The following MPP7 variants were observed in gnomAD, a reference collection of about 807,000 sequenced individuals.
MPP7 encodes MAGUK p55 subfamily member 7.
Under a neutral mutation model 76.5 loss-of-function variants are expected in MPP7, and 60 were observed. That is an observed-to-expected ratio of 0.78 (90% confidence interval 0.64 to 0.97). The LOEUF is 0.97. Ranked by LOEUF, MPP7 falls within the 50% of genes least tolerant of loss-of-function variation. The probability of loss-of-function intolerance (pLI) is 0.00; values close to 1 mark genes in which losing one functional copy is unlikely to be tolerated. For synonymous variants in MPP7, 237 were observed against 244.5 expected, an observed-to-expected ratio of 0.97 and a Z score of 0.29; for missense variants, 641 against 694.0, an observed-to-expected ratio of 0.92 and a Z score of 0.86.
At position 28,051,885 on chromosome 10, in the gene MPP7, C is replaced by CAA. The variant is rs11292957; in HGVS notation, c.*2178_*2179dup. On this transcript the variant is annotated 3_prime_UTR_variant, in exon 17 of 17. Coordinates refer to ENST00000683449, the MANE Select transcript of MPP7 (RefSeq NM_001318170.2). ...TGAGCAACATGGCAAGACCCTGTCT[C>CAA]AAAAAAAAAAAAAAAAGTATACTAC... 4 of 119,058 alleles carry CAA rather than the reference C, an allele frequency of 3.4e-5. No individual in the cohort carries two copies. The highest frequency in any genetic ancestry group is 9.0e-5 in the Admixed American group (1 of 11,136). The allele number at this position is 119,058 out of a possible 1,614,324, so 7.4% of individuals were successfully genotyped here. A position where few individuals can be genotyped will look rare whatever the true frequency, so the allele number is the denominator to read the frequency against.
chr10:28,312,076 A>G (rs1023721967), intron 2 of MPP7, among the ~76,000 whole-genome samples: 3 of 152,178 alleles, frequency 2.0e-5, no homozygotes, highest in South Asian at 2.1e-4. Context: ...GCACGGACAC[A>G]AAGAGTGAGC....
chr10:28,057,001 T>G (rs1021305361), intron 15 of MPP7, among the ~76,000 whole-genome samples: 4 of 152,316 alleles, frequency 2.6e-5, no homozygotes, highest in African/African-American at 9.6e-5. Flanking sequence ...GTTCTCCTCT[T>G]TCACCCTATC....
At chr10:28,248,571 G>A (rs1839512473) in intron 1 of MPP7, among the ~76,000 whole-genome samples, 1 of 152,068 alleles carries the variant, frequency 6.6e-6, no homozygotes, top group Non-Finnish European at 1.5e-5. Context: ...CCAACTTCAT[G>A]AGCTATGCGT....
intron 3 of MPP7, among the ~76,000 whole-genome samples, chr10:28,165,619 T>C (rs1588874085): frequency 6.6e-6 from 1 of 151,914 alleles, no homozygotes; most frequent in East Asian, 1.9e-4. Context: ...AAGGCAGCCA[T>C]GATAAGTTCA....
At chr10:28,226,619 G>A (rs564999334) in intron 2 of MPP7, among the ~76,000 whole-genome samples, 24 of 152,144 alleles carry the variant, frequency 1.6e-4, no homozygotes, top group Admixed American at 1.4e-3. Context: ...AGATAGTGGT[G>A]ATGATCATAA....
chr10:28,168,254 A>G (rs1364958203), intron 3 of MPP7, among the ~76,000 whole-genome samples: 2 of 151,996 alleles, frequency 1.3e-5, no homozygotes, highest in African/African-American at 2.4e-5. Context: ...TATATTTTCT[A>G]TATCTACTGG....
In MPP7 at chr10:28,147,508, T is replaced by C. The variant is rs1371295411; in HGVS notation, c.290A>G (p.Lys97Arg). 6.2e-7 allele frequency: 1 copy of C among 1,613,978 alleles called. No homozygotes were observed. Among genetic ancestry groups the C allele is most frequent in the African/African-American group, 1.3e-5 (1 of 74,932 alleles). ...PLNSEIRELL[K>R]LLSKPNVKAL... ...CTTCACATTGGGTTTTGACAGTAGT[T>C]TCAACAGCTCTCTGATCTCACTGTT... Residue 97 changes from lysine (K) to arginine (R), a missense_variant, in exon 5 of 17, where the codon AAA becomes AGA. Coordinates refer to ENST00000683449, the MANE Select transcript of MPP7 (RefSeq NM_001318170.2).
intron 1 of MPP7, among the ~76,000 whole-genome samples, chr10:28,283,476 T>G (rs977383115): frequency 3.3e-5 from 5 of 152,062 alleles, no homozygotes; most frequent in Non-Finnish European, 7.3e-5. Flanking sequence ...GCTCTTAATC[T>G]GTAAACACCA....
At chr10:28,133,911 T>C (rs907050017) in intron 5 of MPP7, among the ~76,000 whole-genome samples, 2 of 152,206 alleles carry the variant, frequency 1.3e-5, no homozygotes, top group African/African-American at 2.4e-5. Flanking sequence ...CATTGCTATA[T>C]AGTTTTACAA....
chr10:28,210,497 A>G (rs928734270), intron 2 of MPP7, among the ~76,000 whole-genome samples: 6 of 152,200 alleles, frequency 3.9e-5, no homozygotes, highest in African/African-American at 1.4e-4. Context: ...TGAAACTTAT[A>G]AGAGAAGGTC....
chr10:28,293,043 T>TA (rs56883523), intron 1 of MPP7, among the ~76,000 whole-genome samples: 4,409 of 122,330 alleles, frequency 0.036, 228 homozygotes, highest in African/African-American at 0.12. Flanking sequence ...CCCAGAAGGT[T>TA]AAAAAAAAAA....
rs759432052 is a variant in MPP7, at chr10:28,238,563, C to A, written c.37+5G>T. On this transcript the variant is annotated splice_donor_5th_base_variant and intron_variant, in intron 2 of 16. Transcript: ENST00000683449. Reference sequence around the variant, plus strand: ...ATGAGAACTGCCCCTCTTGGGGTCACATACCAGTGTCACTCCCAGATCCCG... The same window carrying A: ...ATGAGAACTGCCCCTCTTGGGGTCAAATACCAGTGTCACTCCCAGATCCCG... The A allele has an allele frequency of 3.7e-6, 6 of 1,613,960 alleles. No individual in the cohort carries two copies.
At chr10:28,105,152 C>CAAAAAA (rs869250857) in intron 11 of MPP7, among the ~76,000 whole-genome samples, 3 of 29,618 alleles carry the variant, frequency 1.0e-4, no homozygotes, top group Non-Finnish European at 2.2e-4. Flanking sequence ...GACTCCATCT[C>CAAAAAA]AAAAAAAAAA....
chr10:28,285,682 G>C (rs1415869704), intron 1 of MPP7, among the ~76,000 whole-genome samples: 2 of 152,152 alleles, frequency 1.3e-5, no homozygotes, highest in Non-Finnish European at 2.9e-5. Flanking sequence ...AATATTACCT[G>C]ACTGGGGTGA....
At chr10:28,154,959 A>G (rs1836003967) in intron 3 of MPP7, among the ~76,000 whole-genome samples, 1 of 152,132 alleles carries the variant, frequency 6.6e-6, no homozygotes, top group African/African-American at 2.4e-5. Flanking sequence ...TTGATCAGAT[A>G]GCTGTTACTG....
rs1851448771 is a variant in MPP7 at position 28,053,974 on chromosome 10, G to A, written c.*91C>T. 3.2e-6 allele frequency: 3 copies of A among 927,922 alleles called. No homozygotes were observed. The highest frequency in any genetic ancestry group is 3.4e-6 in the Non-Finnish European group (2 of 582,884). The allele number at this position is 927,922 out of a possible 1,614,324, so 57.5% of individuals were successfully genotyped here. A position where few individuals can be genotyped will look rare whatever the true frequency, so the allele number is the denominator to read the frequency against. ...GAACCAAGATTGTACATCTATGACA[G>A]TGATATAGATTTAAAAACCCTACTA... On this transcript the variant is annotated 3_prime_UTR_variant, in exon 17 of 17. Transcript: ENST00000683449.
intron 2 of MPP7, among the ~76,000 whole-genome samples, chr10:28,224,797 C>T (rs1838634683): frequency 6.6e-6 from 1 of 151,928 alleles, no homozygotes; most frequent in Non-Finnish European, 1.5e-5. Context: ...ACTAAAAATG[C>T]ATTTAGGTAA....
At chr10:28,319,146 G>A (rs1834344304) in intron 2 of MPP7, among the ~76,000 whole-genome samples, 1 of 152,170 alleles carries the variant, frequency 6.6e-6, no homozygotes, top group Non-Finnish European at 1.5e-5. Flanking sequence ...AGGGGAAGCA[G>A]GCATGTCTTA....
intron 3 of MPP7, among the ~76,000 whole-genome samples, chr10:28,198,052 T>C (rs2801838): frequency 0.17 from 25,304 of 152,104 alleles, 2,587 homozygotes; most frequent in East Asian, 0.5. Context: ...CTGGAAAATA[T>C]CAATTTGGGT....
Sources: gnomAD v4.1 joint callset for allele counts (sites outside exome capture counted in the v4.1 genomes callset) on GRCh38, gnomAD v4.1.1 for gene constraint, MANE v1.5 for transcripts, NCBI Gene and HGNC (gene_info 2026-07-23, HGNC 2026-07-21) for gene names.